TXNDC16: variants seen among roughly 807,000 people sequenced by gnomAD.
TXNDC16 encodes the protein thioredoxin domain-containing protein 16.
TXNDC16 carries 74 observed loss-of-function variants against 85.6 expected under a neutral mutation model. The observed-to-expected ratio is 0.86, with a 90% CI of 0.72 to 1.05. The LOEUF is 1.05. Ranked by LOEUF, TXNDC16 falls within the 50% of genes least tolerant of loss-of-function variation. TXNDC16 has a pLI of 0.00. For missense variants in TXNDC16, 959 were observed against 947.0 expected (o/e 1.01, Z -0.17); for synonymous variants, 335 against 326.5 (o/e 1.03, Z -0.28).
chr14:52,517,017 C>G (rs2037098585), intron 7 of TXNDC16, among the ~76,000 whole-genome samples: 2 of 152,240 alleles, frequency 1.3e-5, no homozygotes, highest in African/African-American at 4.8e-5. Context: ...ATCTTAACCA[C>G]TAACTCTACA....
intron 14 of TXNDC16, among the ~76,000 whole-genome samples, chr14:52,477,783 A>G (rs1566549008): frequency 6.6e-6 from 1 of 152,222 alleles, no homozygotes; most frequent in Non-Finnish European, 1.5e-5. Flanking sequence ...ACAGAAGGTC[A>G]ACAAAGAAAC....
chr14:52,497,837 C>A (rs181410314), intron 9 of TXNDC16, among the ~76,000 whole-genome samples: 2 of 147,890 alleles, frequency 1.4e-5, no homozygotes, highest in Non-Finnish European at 3.0e-5. Flanking sequence ...GCCGAGATTG[C>A]GCCACTGCAC....
intron 14 of TXNDC16, among the ~76,000 whole-genome samples, chr14:52,479,346 C>A (rs1321267360): frequency 6.6e-6 from 1 of 151,948 alleles, no homozygotes; most frequent in Non-Finnish European, 1.5e-5. Flanking sequence ...ATAAAGGCAT[C>A]CAAACTGGTA....
At chr14:52,510,948 C>T (rs77557161) in intron 9 of TXNDC16, among the ~76,000 whole-genome samples, 2 of 152,198 alleles carry the variant, frequency 1.3e-5, no homozygotes, top group African/African-American at 4.8e-5. Context: ...ATTATTACTA[C>T]CACAGAATAT....
intron 8 of TXNDC16, among the ~76,000 whole-genome samples, chr14:52,512,313 T>C (rs2036974619): frequency 6.6e-6 from 1 of 152,136 alleles, no homozygotes; most frequent in Admixed American, 6.6e-5. Context: ...AGTGCTATAA[T>C]ATGCAAAAAT....
chr14:52,480,916 T>A (rs1217715582), intron 14 of TXNDC16, among the ~76,000 whole-genome samples: 2 of 149,528 alleles, frequency 1.3e-5, no homozygotes, highest in African/African-American at 4.9e-5. Context: ...CAAATGCTCA[T>A]CAATCAACGA....
intron 6 of TXNDC16, among the ~76,000 whole-genome samples, chr14:52,532,130 T>C (rs2037594967): frequency 1.3e-5 from 2 of 151,956 alleles, no homozygotes; most frequent in Non-Finnish European, 2.9e-5. Context: ...AATAGGGAAA[T>C]TCAAAAGACA....
chr14:52,521,793 G>C (rs2037217868), intron 6 of TXNDC16, among the ~76,000 whole-genome samples: 1 of 152,086 alleles, frequency 6.6e-6, no homozygotes, highest in African/African-American at 2.4e-5. Flanking sequence ...GGTATTTTCA[G>C]GTTTTCATTT....
chr14:52,447,692 A>G (rs1594685276), intron 18 of TXNDC16, among the ~76,000 whole-genome samples: 1 of 152,254 alleles, frequency 6.6e-6, no homozygotes, highest in East Asian at 1.9e-4. Context: ...AAATGAACCA[A>G]ATAAGACACC....
At chr14:52,537,323 A>G (rs2037727048) in intron 5 of TXNDC16, among the ~76,000 whole-genome samples, 1 of 152,160 alleles carries the variant, frequency 6.6e-6, no homozygotes, top group Admixed American at 6.5e-5. Context: ...AGAACATTAA[A>G]TTTGGTAAGC....
At chr14:52,505,862 T>C (rs1396831521) in intron 9 of TXNDC16, among the ~76,000 whole-genome samples, 5 of 151,786 alleles carry the variant, frequency 3.3e-5, no homozygotes, top group African/African-American at 7.3e-5. Context: ...AAGAATCAAA[T>C]AGACACAATA....
chr14:52,538,031 C>G (rs1424936550), intron 4 of TXNDC16, among the ~76,000 whole-genome samples: 1 of 152,226 alleles, frequency 6.6e-6, no homozygotes, highest in Non-Finnish European at 1.5e-5. Context: ...ATAGCAGATA[C>G]TGCTGGTTTC....
At chr14:52,447,767 T>C (rs2035318455) in intron 18 of TXNDC16, among the ~76,000 whole-genome samples, 1 of 152,074 alleles carries the variant, frequency 6.6e-6, no homozygotes, top group South Asian at 2.1e-4. Flanking sequence ...AAGAGCTGCT[T>C]AGAGAAAACT....
chr14:52,508,712 T>C (rs1379586066), intron 9 of TXNDC16, among the ~76,000 whole-genome samples: 1 of 152,170 alleles, frequency 6.6e-6, no homozygotes, highest in Non-Finnish European at 1.5e-5. Context: ...GTGGCATATA[T>C]ACACCATGGA....
At chr14:52,434,694 C>T (rs2034986629) in intron 20 of TXNDC16, among the ~76,000 whole-genome samples, 2 of 152,154 alleles carry the variant, frequency 1.3e-5, no homozygotes, top group African/African-American at 2.4e-5. Context: ...ACAACTCATC[C>T]GACCCCAACC....
intron 18 of TXNDC16, among the ~76,000 whole-genome samples, chr14:52,442,357 C>A (rs1022747318): frequency 2.0e-5 from 3 of 152,154 alleles, no homozygotes; most frequent in Admixed American, 6.5e-5. Flanking sequence ...TAAGTCACCA[C>A]GGCTAAGCAG....
At chr14:52,492,274 T>C (rs974831269) in intron 9 of TXNDC16, among the ~76,000 whole-genome samples, 4 of 152,236 alleles carry the variant, frequency 2.6e-5, no homozygotes, top group South Asian at 2.1e-4. Context: ...TTGTCCTCAA[T>C]TGGAATTTGT....
At position 52,490,532 on chromosome 14, in the gene TXNDC16, C is replaced by T. The variant is rs2036376426; in HGVS notation, c.924-81G>A. 5 of 1,075,722 alleles carry T rather than the reference C, an allele frequency of 4.6e-6. No homozygotes were observed. The South Asian group carries it at 8.3e-5, about 18-fold the overall frequency. 66.6% of individuals were successfully genotyped at this position (1,075,722 alleles called of 1,614,324 possible). On this transcript the variant is annotated intron_variant, in intron 10 of 20. Transcript: ENST00000281741. ...CCCAGGACTTCAATAGAAAATAGAA[C>T]TACATTCTTATACTAAAAATTATGA...
chr14:52,436,926 AT>A (rs2035042225), intron 20 of TXNDC16, among the ~76,000 whole-genome samples: 1 of 151,990 alleles, frequency 6.6e-6, no homozygotes, highest in Non-Finnish European at 1.5e-5. Context: ...AGGATAGACC[AT>A]CTAGTATCTA....
Sources: gnomAD v4.1 joint callset for allele counts (sites outside exome capture counted in the v4.1 genomes callset) on GRCh38, gnomAD v4.1.1 for gene constraint, MANE v1.5 for transcripts, NCBI Gene and HGNC (gene_info 2026-07-23, HGNC 2026-07-21) for gene names.